ITGA9: variants seen among roughly 807,000 people sequenced by gnomAD.
The protein encoded by ITGA9 is integrin alpha-9.
A neutral mutation model predicts 127.8 loss-of-function variants in ITGA9; 56 were observed. That is an observed-to-expected ratio of 0.44 (90% CI 0.35 to 0.55). The LOEUF (loss-of-function observed/expected upper bound fraction) is 0.55, where lower values mean the gene tolerates loss of function less well. ITGA9 is among the 20% of genes least tolerant of loss of function. ITGA9 has a pLI of 0.00. For synonymous variants in ITGA9, 508 were observed against 514.5 expected (o/e 0.99, Z 0.17); for missense variants, 1,196 against 1,347.1 (o/e 0.89, Z 1.76).
At chr3:37,795,851 C>T (rs1420662867) in intron 26 of ITGA9, among the ~76,000 whole-genome samples, 1 of 152,210 alleles carries the variant, frequency 6.6e-6, no homozygotes, top group East Asian at 1.9e-4. Context: ...GCAGCCCTCT[C>T]ACGGGGGCTT....
At chr3:37,560,175 C>A (rs1422206003) in intron 15 of ITGA9, among the ~76,000 whole-genome samples, 1 of 151,780 alleles carries the variant, frequency 6.6e-6, no homozygotes, top group East Asian at 1.9e-4. Context: ...TTGTTCAAGT[C>A]CCACCTATGA....
rs566112403 is a variant in ITGA9 at position 37,638,025 on chromosome 3, T to A, written c.1839+8689T>A. On this transcript the variant is annotated intron_variant, in intron 16 of 27. Coordinates refer to ENST00000264741, the MANE Select transcript of ITGA9 (RefSeq NM_002207.3). ...GGGTGATTCTCATGCAGCTAAAGTA[T>A]GAGAACTGATACAGTAGAGGAGTTA... Among the ~76,000 whole-genome samples the A allele has an allele frequency of 2.4e-3, 373 of 152,246 alleles. 2 individuals carry two copies. The highest frequency in any genetic ancestry group is 3.4e-3 in the Middle Eastern group (1 of 294).
intron 17 of ITGA9, among the ~76,000 whole-genome samples, 177 bp downstream of exon 17, chr3:37,653,967 G>T (rs1163517356): frequency 1.3e-5 from 2 of 152,164 alleles, no homozygotes; most frequent in African/African-American, 2.4e-5. Context: ...CAAAAGCTTT[G>T]TTGGGAAGAT....
rs774486930 is a variant in ITGA9 at position 37,803,811 on chromosome 3, GT to G, written c.2890-10del. ...AAAAAGGAAATGTTTTCACTGTTGC[GT>G]TGCCTCCTAGGTGGTCTTCGAGGCC... is the stretch of plus-strand genomic sequence containing the variant. On this transcript the variant is annotated splice_polypyrimidine_tract_variant and intron_variant, in intron 26 of 27. Coordinates refer to ENST00000264741, the MANE Select transcript of ITGA9 (RefSeq NM_002207.3). 18 of 1,613,820 alleles carry G rather than the reference GT, an allele frequency of 1.1e-5. No individual in the cohort carries two copies. In the East Asian group the frequency reaches 3.8e-4, roughly 34 times the overall value.
rs1697533346 is a variant in ITGA9, at chr3:37,823,124, G to A, written c.*4135G>A. On this transcript the variant is annotated 3_prime_UTR_variant, in exon 28 of 28. Coordinates refer to ENST00000264741, the MANE Select transcript of ITGA9 (RefSeq NM_002207.3). Reference sequence around the variant, plus strand: ...GTCTTCTGAATTTTCAGCACATGGGGGGAATAAGTGAACAAATTTCCCAAC... The same window carrying A: ...GTCTTCTGAATTTTCAGCACATGGGAGGAATAAGTGAACAAATTTCCCAAC... 1.3e-5 allele frequency: 2 copies of A among 152,176 alleles called. No individual in the cohort carries two copies. Among genetic ancestry groups the A allele is most frequent in the South Asian group, 4.1e-4 (2 of 4,828 alleles). 9.4% of individuals were successfully genotyped at this position (152,176 alleles called of 1,614,324 possible).
chr3:37,719,484 T>G (rs1168867068), intron 18 of ITGA9, among the ~76,000 whole-genome samples: 1 of 152,142 alleles, frequency 6.6e-6, no homozygotes, highest in Non-Finnish European at 1.5e-5. Flanking sequence ...AGTCCACAGC[T>G]CCACCAGCCC....
chr3:37,794,933 T>C (rs1177898081), intron 26 of ITGA9, among the ~76,000 whole-genome samples: 1 of 152,216 alleles, frequency 6.6e-6, no homozygotes, highest in African/African-American at 2.4e-5. Flanking sequence ...CCTTCTAGGC[T>C]GAGTTCTGAG....
chr3:37,481,612 G>C lies in ITGA9; in HGVS notation c.544+5G>C, dbSNP rs1440376488. 1 of 1,614,150 alleles carries C rather than the reference G, an allele frequency of 6.2e-7. No individual in the cohort carries two copies. On this transcript the variant is annotated splice_donor_5th_base_variant and intron_variant, in intron 4 of 27. Coordinates refer to ENST00000264741, the MANE Select transcript of ITGA9 (RefSeq NM_002207.3). Reference sequence around the variant, plus strand: ...CGCTGATCCCTTGCTATGAAGGTGAGCATGGATTGATTTTTCCTCATCCCC... The same window carrying C: ...CGCTGATCCCTTGCTATGAAGGTGACCATGGATTGATTTTTCCTCATCCCC...
intron 21 of ITGA9, among the ~76,000 whole-genome samples, chr3:37,743,608 C>T (rs1484495156): frequency 6.6e-6 from 1 of 152,144 alleles, no homozygotes; most frequent in African/African-American, 2.4e-5. Flanking sequence ...AAACATTTTT[C>T]GAATGACAAA....
chr3:37,781,538 CA>C (rs1696976400), intron 25 of ITGA9, among the ~76,000 whole-genome samples: 1 of 152,176 alleles, frequency 6.6e-6, no homozygotes. Context: ...ATTAAAAAAC[CA>C]CCTCAACCAG....
intron 27 of ITGA9, 134 bp downstream of exon 27, chr3:37,804,076 T>C: frequency 7.4e-7 from 1 of 1,356,758 alleles, no homozygotes; most frequent in Non-Finnish European, 1.0e-6. Flanking sequence ...CAGTGACCCT[T>C]CAGGCAGGGA....
intron 15 of ITGA9, among the ~76,000 whole-genome samples, chr3:37,571,852 G>A (rs1173976348): frequency 1.3e-5 from 2 of 151,816 alleles, no homozygotes; most frequent in Non-Finnish European, 2.9e-5. Flanking sequence ...CTCACCATCT[G>A]AGGAGCTGTC....
intron 15 of ITGA9, among the ~76,000 whole-genome samples, chr3:37,558,869 C>T (rs1699456769): frequency 6.6e-6 from 1 of 152,222 alleles, no homozygotes; most frequent in Non-Finnish European, 1.5e-5. Context: ...ACCACCCTGA[C>T]CTGCGATTCC....
chr3:37,621,007 C>G (rs530161862), intron 15 of ITGA9, among the ~76,000 whole-genome samples: 22 of 152,328 alleles, frequency 1.4e-4, no homozygotes, highest in African/African-American at 4.6e-4. Flanking sequence ...CCACCCAAAT[C>G]TCATCTTGAA....
intron 15 of ITGA9, among the ~76,000 whole-genome samples, chr3:37,626,674 C>CA (rs892328954): frequency 2.0e-5 from 3 of 150,522 alleles, no homozygotes; most frequent in Admixed American, 6.6e-5. Flanking sequence ...GACTCTGTCT[C>CA]AAAAAAAAAG....
rs185453980 is a variant in ITGA9, at chr3:37,505,806, T to G, written c.743-194T>G. Among the ~76,000 whole-genome samples the G allele has an allele frequency of 1.2e-4, 18 of 152,346 alleles. No individual in the cohort carries two copies. In the East Asian group the frequency reaches 2.5e-3, roughly 21 times the overall value. Reference sequence around the variant, plus strand: ...GAAAGCCCTCTTTCCTGCCCTGATATCCTTGTGAACATGACTTTTTGTGAG... The same window carrying G: ...GAAAGCCCTCTTTCCTGCCCTGATAGCCTTGTGAACATGACTTTTTGTGAG... On this transcript the variant is annotated intron_variant, in intron 6 of 27. Transcript: ENST00000264741.
chr3:37,609,938 G>A (rs185032490), intron 15 of ITGA9, among the ~76,000 whole-genome samples: 8 of 152,310 alleles, frequency 5.3e-5, no homozygotes, highest in African/African-American at 1.7e-4. Context: ...ATGTGGAGTC[G>A]GAGATACTTT....
intron 15 of ITGA9, among the ~76,000 whole-genome samples, chr3:37,583,413 T>G (rs1031652651): frequency 1.9e-4 from 4 of 20,646 alleles, no homozygotes; most frequent in African/African-American, 7.6e-4. Context: ...ATCATCAGCA[T>G]CATCATCATC....
intron 4 of ITGA9, among the ~76,000 whole-genome samples, chr3:37,488,724 G>A (rs999401986): frequency 6.6e-6 from 1 of 151,886 alleles, no homozygotes; most frequent in Non-Finnish European, 1.5e-5. Context: ...CTGGAACCTG[G>A]GAGGCGGCGG....
Sources: allele counts gnomAD v4.1 joint callset (sites outside exome capture counted in the v4.1 genomes callset), GRCh38; gene constraint gnomAD v4.1.1; transcripts MANE v1.5; gene names NCBI Gene and HGNC (gene_info 2026-07-23, HGNC 2026-07-21).